SYT3: variants seen among roughly 807,000 people sequenced by gnomAD.
The protein encoded by SYT3 is synaptotagmin 3.
In SYT3, 25 loss-of-function variants were observed where a neutral mutation model predicts 50.6. The ratio of observed to expected loss-of-function variants is 0.49; its 90% CI spans 0.36 to 0.69. The LOEUF is 0.69. Ranked by LOEUF, SYT3 falls within the 30% of genes least tolerant of loss-of-function variation. SYT3 has a pLI of 0.00. For missense variants in SYT3, 589 were observed against 793.6 expected, an observed-to-expected ratio of 0.74 and a Z score of 3.10; for synonymous variants, 323 against 353.9, an observed-to-expected ratio of 0.91 and a Z score of 0.98.
At chr19:50,640,128 C>G (rs1049735366), upstream of SYT3, among the ~76,000 whole-genome samples, 2 of 152,166 alleles carry the variant, frequency 1.3e-5, no homozygotes, top group Non-Finnish European at 2.9e-5. Context: ...TCCGGGGACC[C>G]CAGGCCCCTC....
intron 9 of SYT3, among the ~76,000 whole-genome samples, chr19:50,624,616 C>T (rs1042178092): frequency 6.6e-6 from 1 of 151,564 alleles, no homozygotes; most frequent in African/African-American, 2.4e-5. Flanking sequence ...GCAATGGCGC[C>T]ACCTCAGCTC....
At chr19:50,645,190 T>C in the SYT3 span, among the ~76,000 whole-genome samples, 1 of 152,214 alleles carries the variant, frequency 6.6e-6, no homozygotes, top group Non-Finnish European at 1.5e-5. Context: ...ACAGTATTTC[T>C]GGAATTGGAG....
At chr19:50,630,796 C>T (rs949942643) in intron 4 of SYT3, among the ~76,000 whole-genome samples, 4 of 152,182 alleles carry the variant, frequency 2.6e-5, no homozygotes, top group African/African-American at 9.7e-5. Flanking sequence ...CTCTTTTGGA[C>T]CTCAAGCTGG....
At chr19:50,653,038 CTATTT>C in the SYT3 span, among the ~76,000 whole-genome samples, 5 of 152,154 alleles carry the variant, frequency 3.3e-5, no homozygotes, top group South Asian at 2.1e-4. Flanking sequence ...TTATTCTATT[CTATTT>C]TATTTTATTT....
chr19:50,649,162 G>C, the SYT3 span, among the ~76,000 whole-genome samples: 1 of 149,524 alleles, frequency 6.7e-6, no homozygotes, highest in Non-Finnish European at 1.5e-5. Flanking sequence ...AGGAAGGGAG[G>C]TGGAGAGAGA....
intron 3 of SYT3, among the ~76,000 whole-genome samples, chr19:50,635,341 T>C (rs2123019161): frequency 6.6e-6 from 1 of 152,240 alleles, no homozygotes; most frequent in East Asian, 1.9e-4. Context: ...GGAGAAAAAT[T>C]AAACAGATGC....
chr19:50,652,696 G>A, the SYT3 span, among the ~76,000 whole-genome samples: 2 of 152,146 alleles, frequency 1.3e-5, no homozygotes, highest in Non-Finnish European at 2.9e-5. Context: ...AAGGACTTTG[G>A]ACTTTATTCA....
upstream of SYT3, among the ~76,000 whole-genome samples, chr19:50,640,071 G>A (rs1391399490): frequency 6.6e-6 from 1 of 152,168 alleles, no homozygotes; most frequent in Non-Finnish European, 1.5e-5. Flanking sequence ...GCTTCTCCAG[G>A]GTCCGGGGGC....
chr19:50,657,313 C>G, the SYT3 span, among the ~76,000 whole-genome samples: 1 of 152,220 alleles, frequency 6.6e-6, no homozygotes, highest in African/African-American at 2.4e-5. Context: ...AAGGGACTCT[C>G]CAGCCTCCCC....
At chr19:50,646,975 T>C in the SYT3 span, among the ~76,000 whole-genome samples, 1 of 151,860 alleles carries the variant, frequency 6.6e-6, no homozygotes, top group Non-Finnish European at 1.5e-5. Context: ...GGACTACAGG[T>C]GCCCGCCACC....
At chr19:50,626,191 T>A in intron 6 of SYT3, 174 bp from the exon 7 acceptor site, 1 of 961,654 alleles carries the variant, frequency 1.0e-6, no homozygotes, top group Non-Finnish European at 1.5e-6. Flanking sequence ...TGGCCACAGC[T>A]GCCCATGACC....
At chr19:50,654,543 C>T in the SYT3 span, among the ~76,000 whole-genome samples, 3 of 151,926 alleles carry the variant, frequency 2.0e-5, no homozygotes, top group Admixed American at 6.6e-5. Context: ...GTGATCTGCC[C>T]GCTTCAGCCT....
At chr19:50,656,131 T>C in the SYT3 span, 1 of 1,536,008 alleles carries the variant, frequency 6.5e-7, no homozygotes, top group Non-Finnish European at 8.7e-7. Context: ...TCGTGAGTTG[T>C]CCCTGGCCCC....
At chr19:50,656,292 G>A in the SYT3 span, 2 of 1,536,196 alleles carry the variant, frequency 1.3e-6, no homozygotes, top group African/African-American at 2.7e-5. Context: ...CGTGCATCCG[G>A]AAGTTCCCCA....
At chr19:50,648,873 G>C in the SYT3 span, among the ~76,000 whole-genome samples, 2 of 151,734 alleles carry the variant, frequency 1.3e-5, no homozygotes, top group Non-Finnish European at 2.9e-5. Context: ...GCCTCAAGGG[G>C]GCAGTGGAGG....
chr19:50,649,353 A>G, the SYT3 span: 1 of 1,226,692 alleles, frequency 8.2e-7, no homozygotes, highest in East Asian at 2.5e-5. Flanking sequence ...GAGGTAGAGG[A>G]GGCAGCGGTG....
chr19:50,652,116 C>T, the SYT3 span, among the ~76,000 whole-genome samples: 13 of 152,046 alleles, frequency 8.6e-5, no homozygotes, highest in Admixed American at 4.6e-4. Flanking sequence ...CCCAAAGTGC[C>T]GGGATGATAG....
intron 4 of SYT3, among the ~76,000 whole-genome samples, chr19:50,631,092 G>A (rs142048811): frequency 4.7e-4 from 71 of 151,982 alleles, no homozygotes; most frequent in African/African-American, 1.4e-3. Flanking sequence ...ACCCTCAGGC[G>A]GGCACTCAAA....
rs1184597967 is a variant in SYT3, at chr19:50,629,945, C to T, written c.901G>A (p.Gly301Ser). 2 of 1,613,852 alleles carry T rather than the reference C, an allele frequency of 1.2e-6. No homozygotes were observed. Among genetic ancestry groups the T allele is most frequent in the South Asian group, 1.1e-5 (1 of 91,094 alleles). The change falls in exon 5 of 11, where the codon GGC becomes AGC. Residue 301 changes from glycine (G) to serine (S), a missense_variant. Transcript: ENST00000600079. ...SGEAGTGAPC[G>S]RISFALRYLY... ...TACCGCAGGGCGAAGCTGATACGGC[C>T]ACAGGGTGCCCCTGTGCCTGCCTCT...
Sources: gnomAD v4.1 joint callset for allele counts (sites outside exome capture counted in the v4.1 genomes callset) on GRCh38, gnomAD v4.1.1 for gene constraint, MANE v1.5 for transcripts, NCBI Gene and HGNC (gene_info 2026-07-23, HGNC 2026-07-21) for gene names.